The following SHPRH variants were observed in gnomAD, a reference collection of about 807,000 sequenced individuals.
SHPRH encodes SNF2 histone linker PHD RING helicase, also known as E3 ubiquitin-protein ligase SHPRH.
SHPRH carries 106 observed loss-of-function variants against 202.5 expected under a neutral mutation model. The ratio of observed to expected loss-of-function variants is 0.52; its 90% confidence interval spans 0.45 to 0.62. SHPRH has a LOEUF of 0.62. Among genes scored for constraint, SHPRH ranks in the 20% least tolerant of loss-of-function variants. The pLI is 0.00. For synonymous variants in SHPRH, 729 were observed against 686.0 expected (o/e 1.06, Z -0.98); for missense variants, 1,710 against 2,020.0 (o/e 0.85, Z 2.94).
At chr6:145,946,632 T>C (rs760752629) in intron 6 of SHPRH, among the ~76,000 whole-genome samples, 1 of 152,024 alleles carries the variant, frequency 6.6e-6, no homozygotes, top group Non-Finnish European at 1.5e-5. Context: ...ATTGAATTTA[T>C]AATAATATGA....
chr6:145,952,215 T>A (rs1282305592), intron 3 of SHPRH, 134 bp downstream of exon 3: 2 of 769,848 alleles, frequency 2.6e-6, no homozygotes, highest in Admixed American at 6.4e-5. Flanking sequence ...CAAATAAGTA[T>A]AATTTGCCAT....
chr6:145,926,352 G>T, intron 15 of SHPRH, 56 bp from the exon 16 acceptor site: 1 of 1,407,118 alleles, frequency 7.1e-7, no homozygotes, highest in Non-Finnish European at 1.0e-6. Flanking sequence ...ACTCTGAAGA[G>T]AACCTAATAT....
At chr6:145,961,188 G>A (rs1017978347) in intron 1 of SHPRH, among the ~76,000 whole-genome samples, 2 of 152,112 alleles carry the variant, frequency 1.3e-5, no homozygotes, top group Admixed American at 6.5e-5. Flanking sequence ...CTGTAATGTC[G>A]CAGGATGGGG....
At chr6:145,928,481 A>G (rs2128757165) in intron 14 of SHPRH, among the ~76,000 whole-genome samples, 1 of 152,064 alleles carries the variant, frequency 6.6e-6, no homozygotes, top group East Asian at 1.9e-4. Flanking sequence ...AAAAACTTCA[A>G]GCTGGTTTTA....
downstream of SHPRH, among the ~76,000 whole-genome samples, chr6:145,862,460 AC>A (rs1172795402): frequency 6.6e-6 from 1 of 151,890 alleles, no homozygotes; most frequent in Non-Finnish European, 1.5e-5. Context: ...AACAACAACA[AC>A]AAAAAACAAA....
intron 25 of SHPRH, among the ~76,000 whole-genome samples, chr6:145,896,339 T>C (rs1181379601): frequency 6.6e-6 from 1 of 152,056 alleles, no homozygotes; most frequent in African/African-American, 2.4e-5. Flanking sequence ...TTTCAGAATT[T>C]AGACAAAAAC....
At chr6:145,878,491 T>C (rs1447784661) in intron 2 of SHPRH, among the ~76,000 whole-genome samples, 3 of 152,238 alleles carry the variant, frequency 2.0e-5, no homozygotes, top group Non-Finnish European at 4.4e-5. Context: ...GGTTTTGATA[T>C]CTACTTTCCC....
downstream of SHPRH, among the ~76,000 whole-genome samples, chr6:145,863,503 T>C (rs991121983): frequency 6.6e-6 from 1 of 152,212 alleles, no homozygotes; most frequent in Non-Finnish European, 1.5e-5. Context: ...CAGTGGTAAT[T>C]TGTCATTTTG....
Position 145,885,326 on chromosome 6 carries a change from G to A in SHPRH, c.*1365C>T, listed in dbSNP as rs538467949. On this transcript the variant is annotated 3_prime_UTR_variant, in exon 30 of 30. Coordinates refer to ENST00000275233, the MANE Select transcript of SHPRH (RefSeq NM_001042683.3). ...CAATGGATACCTCCTTTTAACTGAA[G>A]AATAAGCACCAAAAGCATGTGTGTG... is the stretch of plus-strand genomic sequence containing the variant. 4 of 152,458 alleles carry A rather than the reference G, an allele frequency of 2.6e-5. No individual in the cohort carries two copies. Among genetic ancestry groups the A allele is most frequent in the African/African-American group, 7.2e-5 (3 of 41,414 alleles). 9.4% of individuals were successfully genotyped at this position (152,458 alleles called of 1,614,324 possible).
At chr6:145,891,275 T>C (rs1781545193) in intron 28 of SHPRH, among the ~76,000 whole-genome samples, 1 of 152,144 alleles carries the variant, frequency 6.6e-6, no homozygotes, top group Admixed American at 6.6e-5. Flanking sequence ...ACCACACTCC[T>C]GATTTAGGGC....
downstream of SHPRH, among the ~76,000 whole-genome samples, chr6:145,862,266 G>A (rs1032862458): frequency 1.3e-5 from 2 of 151,802 alleles, no homozygotes; most frequent in Admixed American, 1.3e-4. Flanking sequence ...TTGAGACCAT[G>A]GTGAAACCCC....
intron 2 of SHPRH, among the ~76,000 whole-genome samples, chr6:145,875,526 G>C (rs1304368082): frequency 2.0e-5 from 3 of 152,174 alleles, no homozygotes; most frequent in Non-Finnish European, 2.9e-5. Flanking sequence ...CTCTAGGGTT[G>C]TATTTCTAGA....
intron 24 of SHPRH, among the ~76,000 whole-genome samples, chr6:145,912,168 G>A (rs1489686583): frequency 6.6e-6 from 1 of 151,702 alleles, no homozygotes; most frequent in East Asian, 1.9e-4. Flanking sequence ...AAATGGCAAT[G>A]CCTCCAGGTG....
Position 145,924,794 on chromosome 6 carries a change from T to G in SHPRH, c.3347A>C (p.Glu1116Ala). Residue 1116 changes from glutamate (E) to alanine (A), a missense_variant, in exon 17 of 30, where the codon GAA becomes GCA. Transcript: ENST00000275233. ...YMSKCNTEVAEAQQALYPVQQ... is the reference protein window; with the variant it reads ...YMSKCNTEVAAAQQALYPVQQ... Reference sequence around the variant, plus strand: ...CACAGGATATAAAGCTTGCTGGGCTTCAGCAACTTCTGTATTACACTTGCT... The same window carrying G: ...CACAGGATATAAAGCTTGCTGGGCTGCAGCAACTTCTGTATTACACTTGCT... The G allele has an allele frequency of 1.9e-6, 3 of 1,611,932 alleles. No homozygotes were observed. The highest frequency in any genetic ancestry group is 2.5e-6 in the Non-Finnish European group (3 of 1,178,536).
intron 10 of SHPRH, 89 bp downstream of exon 10, chr6:145,941,534 T>A: frequency 6.5e-7 from 1 of 1,542,520 alleles, no homozygotes; most frequent in Non-Finnish European, 8.7e-7. Flanking sequence ...ACAGGTTAAC[T>A]ATGCTTAAAC....
At chr6:145,934,379 T>C (rs1488742069) in intron 13 of SHPRH, among the ~76,000 whole-genome samples, 1 of 151,546 alleles carries the variant, frequency 6.6e-6, no homozygotes, top group Non-Finnish European at 1.5e-5. Context: ...GGCAGGAGAA[T>C]TGCTGGAACC....
chr6:145,867,516 G>A lies in SHPRH; in HGVS notation c.222-3025C>T, dbSNP rs557788233. On this transcript the variant is annotated intron_variant, in intron 2 of 2. Coordinates refer to the SHPRH transcript ENST00000417762. ...TGAAACAGGAGGATCACTTGAGTCC[G>A]GGAGGCTGAAGCTGCAGTGGGCTGT... 2.1e-3 allele frequency among the ~76,000 whole-genome samples: 308 copies of A among 150,088 alleles called. 1 individual carries two copies. The highest frequency in any genetic ancestry group is 4.6e-3 in the African/African-American group (186 of 40,706).
chr6:145,948,105 G>T (rs1787586577), intron 5 of SHPRH, among the ~76,000 whole-genome samples, 167 bp downstream of exon 5: 1 of 151,968 alleles, frequency 6.6e-6, no homozygotes, highest in Admixed American at 6.6e-5. Context: ...AAAATGACAA[G>T]TGCTATTAAT....
At chr6:145,959,266 A>G (rs1260288148) in intron 1 of SHPRH, among the ~76,000 whole-genome samples, 2 of 152,346 alleles carry the variant, frequency 1.3e-5, no homozygotes, top group South Asian at 2.1e-4. Context: ...CTTCAGTGTT[A>G]TAAGCTGCAT....
Sources: allele counts gnomAD v4.1 joint callset (sites outside exome capture counted in the v4.1 genomes callset), GRCh38; gene constraint gnomAD v4.1.1; transcripts MANE v1.5; gene names NCBI Gene and HGNC (gene_info 2026-07-23, HGNC 2026-07-21).